MORN1: variants seen among roughly 807,000 people sequenced by gnomAD.
The protein encoded by MORN1 is MORN repeat-containing protein 1.
Under a neutral mutation model 61.9 loss-of-function variants are expected in MORN1, and 67 were observed. That is an observed-to-expected ratio of 1.08 (90% CI 0.89 to 1.33). The LOEUF is 1.33. Ranked by LOEUF, MORN1 falls within the 40% of genes most tolerant of loss-of-function variation. The pLI is 0.00. For missense variants in MORN1, 752 were observed against 691.2 expected (o/e 1.09, Z -0.99); for synonymous variants, 301 against 292.0 (o/e 1.03, Z -0.31).
Position 2,324,156 on chromosome 1 carries a change from C to T in MORN1, c.1251-13G>A. 1.3e-6 allele frequency: 2 copies of T among 1,593,268 alleles called. No homozygotes were observed. The highest frequency in any genetic ancestry group is 8.5e-7 in the Non-Finnish European group (1 of 1,171,184). On this transcript the variant is annotated splice_polypyrimidine_tract_variant and intron_variant, in intron 12 of 13. Transcript: ENST00000378531. Reference sequence around the variant, plus strand: ...TCTCCCCTCAGGCCTGTGGAGACGACACAGTGAGGCCCCTGAATGCCCTGC... The same window carrying T: ...TCTCCCCTCAGGCCTGTGGAGACGATACAGTGAGGCCCCTGAATGCCCTGC...
intron 8 of MORN1, among the ~76,000 whole-genome samples, chr1:2,370,631 A>G (rs935587247): frequency 2.6e-5 from 4 of 152,108 alleles, no homozygotes. Flanking sequence ...AGAACTCTAT[A>G]GCTAAAAATA....
chr1:2,387,180 C>T (rs1222193448), intron 4 of MORN1: 21 of 569,338 alleles, frequency 3.7e-5, no homozygotes, highest in Middle Eastern at 9.5e-4. Context: ...GCGTCTGTTC[C>T]GCGGTAGCGG....
Position 2,324,141 on chromosome 1 carries a change from G to A in MORN1, c.1253C>T (p.Pro418Leu), listed in dbSNP as rs908794642. The change falls in exon 13 of 14, where the codon CCT becomes CTT. Residue 418 changes from proline to leucine, a missense_variant and splice_region_variant. Coordinates refer to ENST00000378531, the MANE Select transcript of MORN1 (RefSeq NM_024848.3). ...TAQEPPGGSR[P>L]EGRATEEQAA... Reference sequence around the variant, plus strand: ...CTGCTCCTCCGTGGCTCTCCCCTCAGGCCTGTGGAGACGACACAGTGAGGC... The same window carrying A: ...CTGCTCCTCCGTGGCTCTCCCCTCAAGCCTGTGGAGACGACACAGTGAGGC... The A allele has an allele frequency of 3.1e-6, 5 of 1,598,058 alleles. No individual in the cohort carries two copies. The African/African-American group carries it at 5.3e-5, about 17-fold the overall frequency.
In MORN1 at chr1:2,373,517, G is replaced by C. The variant is rs370836049; in HGVS notation, c.635-926C>G. 9.8e-5 allele frequency among the ~76,000 whole-genome samples: 15 copies of C among 152,314 alleles called. No homozygotes were observed. The East Asian group carries it at 2.7e-3, about 27-fold the overall frequency. On this transcript the variant is annotated intron_variant, in intron 7 of 13. Coordinates refer to ENST00000378531, the MANE Select transcript of MORN1 (RefSeq NM_024848.3). Reference sequence around the variant, plus strand: ...TTTTGGGAGGAGGGGCTGGGATCTGGATTCTTTCCCTTGAGGTGAGGTCAC... The same window carrying C: ...TTTTGGGAGGAGGGGCTGGGATCTGCATTCTTTCCCTTGAGGTGAGGTCAC...
At chr1:2,341,021 A>G (rs1557872901) in intron 10 of MORN1, among the ~76,000 whole-genome samples, 1 of 152,102 alleles carries the variant, frequency 6.6e-6, no homozygotes, top group Non-Finnish European at 1.5e-5. Flanking sequence ...GCACGTCTCC[A>G]CCCGGCCCCT....
chr1:2,333,961 C>G (rs1641213622), intron 12 of MORN1, among the ~76,000 whole-genome samples: 1 of 152,146 alleles, frequency 6.6e-6, no homozygotes, highest in African/African-American at 2.4e-5. Context: ...AGAGCCAGGT[C>G]TGGACGCTGG....
chr1:2,391,300 T>C (rs1026630500), intron 1 of MORN1, among the ~76,000 whole-genome samples, 158 bp downstream of exon 1: 5 of 152,140 alleles, frequency 3.3e-5, no homozygotes, highest in African/African-American at 1.2e-4. Flanking sequence ...CGGCGAGTCC[T>C]GTGGGAGTGG....
intron 8 of MORN1, among the ~76,000 whole-genome samples, chr1:2,370,863 T>C (rs1197942553): frequency 1.3e-5 from 2 of 149,792 alleles, no homozygotes; most frequent in African/African-American, 4.9e-5. Context: ...CAATTTTGGT[T>C]TTTTTTTTTA....
intron 8 of MORN1, among the ~76,000 whole-genome samples, chr1:2,360,029 G>C (rs1641859696): frequency 6.6e-6 from 1 of 152,254 alleles, no homozygotes; most frequent in East Asian, 1.9e-4. Context: ...CAGGGCCCAG[G>C]CAGGCTCCCA....
At chr1:2,369,170 T>C (rs955501603) in intron 8 of MORN1, among the ~76,000 whole-genome samples, 2 of 148,976 alleles carry the variant, frequency 1.3e-5, no homozygotes, top group Admixed American at 1.3e-4. Flanking sequence ...GCTAGCAGGG[T>C]GAAACCCTGT....
At chr1:2,379,089 A>G (rs996261812) in intron 6 of MORN1, 7 of 471,086 alleles carry the variant, frequency 1.5e-5, no homozygotes, top group Non-Finnish European at 3.1e-5. Flanking sequence ...GGCAGGAGAC[A>G]CGGTTTGCAG....
intron 10 of MORN1, among the ~76,000 whole-genome samples, chr1:2,347,765 G>A (rs1402670751): frequency 6.6e-6 from 1 of 152,152 alleles, no homozygotes; most frequent in Admixed American, 6.5e-5. Flanking sequence ...CTCGGCCCCC[G>A]CTGCCCCCGT....
In MORN1 at chr1:2,387,499, C is replaced by T; in HGVS notation, c.278G>A (p.Gly93Glu). The stretch of plus-strand genomic sequence containing the variant: ...CATGACGCCGTAGCCTTGAGGCTCT[C>T]CCAGAACAAACTGTCCAGAGAAGGT... Reference protein sequence around the residue: ...GDTFSGQFVLGEPQGYGVMEY... With the variant: ...GDTFSGQFVLEEPQGYGVMEY... The change falls in exon 4 of 14, where the codon GGA becomes GAA. Residue 93 changes from glycine to glutamate, a missense_variant. Physicochemically the swap from Gly to Glu is moderately conservative, Grantham distance 98. Coordinates refer to ENST00000378531, the MANE Select transcript of MORN1 (RefSeq NM_024848.3). 6.2e-7 allele frequency: 1 copy of T among 1,613,186 alleles called. No homozygotes were observed. Among genetic ancestry groups the T allele is most frequent in the South Asian group, 1.1e-5 (1 of 91,084 alleles).
chr1:2,385,077 A>G lies in MORN1; in HGVS notation c.450-12T>C, dbSNP rs916406988. 9.5e-6 allele frequency: 15 copies of G among 1,578,824 alleles called. No individual in the cohort carries two copies. Among genetic ancestry groups the G allele is most frequent in the Non-Finnish European group, 1.2e-5 (14 of 1,162,984 alleles). ...ACTTGTCACCGTTCCTGGGGGACAC[A>G]CGCACGGAGTCCACTCTCAACAGGG... On this transcript the variant is annotated splice_polypyrimidine_tract_variant and intron_variant, in intron 5 of 13. Transcript: ENST00000378531.
chr1:2,370,163 A>G (rs1422093195), intron 8 of MORN1, among the ~76,000 whole-genome samples: 1 of 152,216 alleles, frequency 6.6e-6, no homozygotes, highest in Non-Finnish European at 1.5e-5. Context: ...AGATCAGTGG[A>G]GCAGACGGGG....
chr1:2,388,584 C>A, intron 2 of MORN1: 1 of 450,064 alleles, frequency 2.2e-6, no homozygotes, highest in Non-Finnish European at 4.0e-6. Flanking sequence ...AGGCAGCCAG[C>A]CTGAGCAACA....
chr1:2,367,288 G>C (rs1412691196), intron 8 of MORN1, among the ~76,000 whole-genome samples: 8 of 125,094 alleles, frequency 6.4e-5, no homozygotes, highest in African/African-American at 2.4e-4. Flanking sequence ...TGAAGGACAA[G>C]ATAATTCATT....
intron 13 of MORN1, chr1:2,322,064 C>T (rs956276020): frequency 7.5e-5 from 74 of 985,304 alleles, no homozygotes; most frequent in Admixed American, 2.5e-4. Flanking sequence ...TTTGAAGCCC[C>T]GCCCTGGCCC....
At chr1:2,362,852 G>A (rs1440593495) in intron 8 of MORN1, among the ~76,000 whole-genome samples, 2 of 150,164 alleles carry the variant, frequency 1.3e-5, no homozygotes, top group Non-Finnish European at 1.5e-5. Flanking sequence ...TGACAGAGCA[G>A]AACTCCATCT....
Sources: allele counts gnomAD v4.1 joint callset (sites outside exome capture counted in the v4.1 genomes callset), GRCh38; gene constraint gnomAD v4.1.1; transcripts MANE v1.5; gene names NCBI Gene and HGNC (gene_info 2026-07-23, HGNC 2026-07-21).